GSG1L: variants seen among roughly 807,000 people sequenced by gnomAD.
The protein encoded by GSG1L is GSG1 like.
Under a neutral mutation model 42.1 loss-of-function variants are expected in GSG1L, and 24 were observed. The ratio of observed to expected loss-of-function variants is 0.57; its 90% CI spans 0.41 to 0.80. GSG1L has a LOEUF of 0.80. Among genes scored for constraint, GSG1L ranks in the 30% least tolerant of loss-of-function variants. The pLI is 0.00. For missense variants in GSG1L, 445 were observed against 472.2 expected (o/e 0.94, Z 0.53); for synonymous variants, 215 against 203.5 (o/e 1.06, Z -0.48).
At chr16:27,977,981 C>T (rs1484676787) in intron 1 of GSG1L, among the ~76,000 whole-genome samples, 3 of 152,244 alleles carry the variant, frequency 2.0e-5, no homozygotes, top group African/African-American at 7.2e-5. Context: ...GACCTCCCCT[C>T]ACCGCTAGCC....
intron 1 of GSG1L, among the ~76,000 whole-genome samples, chr16:28,008,350 G>T (rs1567553931): frequency 1.3e-5 from 2 of 152,224 alleles, no homozygotes. Flanking sequence ...AAAGTGTTGG[G>T]ATTACAGGCA....
intron 2 of GSG1L, among the ~76,000 whole-genome samples, chr16:27,925,590 GGA>G (rs1567521166): frequency 6.6e-6 from 1 of 152,188 alleles, no homozygotes; most frequent in Non-Finnish European, 1.5e-5. Context: ...ATGCATAGCA[GGA>G]GAGAGGTGGG....
chr16:28,060,222 C>G (rs1246909480), intron 1 of GSG1L, among the ~76,000 whole-genome samples: 1 of 151,698 alleles, frequency 6.6e-6, no homozygotes, highest in South Asian at 2.1e-4. Context: ...TTTTCCTCTT[C>G]GAGTAAAAAA....
intron 5 of GSG1L, among the ~76,000 whole-genome samples, chr16:27,821,519 T>G: frequency 6.6e-6 from 1 of 152,110 alleles, no homozygotes; most frequent in South Asian, 2.1e-4. Context: ...CACTTATAAG[T>G]GAGAAAATGC....
At position 27,947,569 on chromosome 16, in the gene GSG1L, GAA is replaced by G. The variant is rs1226176506; in HGVS notation, c.397+15585_397+15586del. ...AGAAAGAAAGAAAGAAAGAAAGAAA[GAA>G]AGAAAGAAAGAAAGAAAGAAAGAAA... is the stretch of plus-strand genomic sequence containing the variant. On this transcript the variant is annotated intron_variant, in intron 2 of 6. Coordinates refer to ENST00000447459, the MANE Select transcript of GSG1L (RefSeq NM_001109763.2). Among the ~76,000 whole-genome samples, 923 of 94,080 alleles carry G rather than the reference GAA, an allele frequency of 9.8e-3. 15 individuals carry two copies. Among genetic ancestry groups the G allele is most frequent in the African/African-American group, 0.028 (820 of 29,558 alleles). 61.7% of individuals were successfully genotyped at this position (94,080 alleles called of 152,430 possible).
intron 3 of GSG1L, among the ~76,000 whole-genome samples, chr16:27,863,704 G>A (rs572097311): frequency 2.6e-5 from 4 of 152,286 alleles, no homozygotes; most frequent in Admixed American, 6.5e-5. Flanking sequence ...ATCATATTTC[G>A]AGATGACAGC....
chr16:27,801,238 G>A (rs2082878242), intron 6 of GSG1L, among the ~76,000 whole-genome samples: 1 of 152,182 alleles, frequency 6.6e-6, no homozygotes, highest in African/African-American at 2.4e-5. Flanking sequence ...CTCTCCCAGG[G>A]TAAGGAGCAA....
intron 2 of GSG1L, among the ~76,000 whole-genome samples, chr16:27,912,834 A>C (rs916416657): frequency 1.3e-5 from 2 of 152,240 alleles, no homozygotes; most frequent in Non-Finnish European, 2.9e-5. Flanking sequence ...GGGAAAAAAA[A>C]CTGGAAACAA....
At chr16:27,979,821 A>AG in intron 1 of GSG1L, among the ~76,000 whole-genome samples, 4 of 114,616 alleles carry the variant, frequency 3.5e-5, no homozygotes, top group African/African-American at 1.4e-4. Context: ...AAGAAAAGAA[A>AG]GAAAGAGAGA....
At chr16:27,998,142 C>A (rs1231950059) in intron 1 of GSG1L, among the ~76,000 whole-genome samples, 1 of 152,136 alleles carries the variant, frequency 6.6e-6, no homozygotes, top group African/African-American at 2.4e-5. Flanking sequence ...CAGGTGTGAG[C>A]CACCACGCCT....
At chr16:27,942,386 G>GGTCTGTTGGCTGTTGTGAA (rs2084810639) in intron 2 of GSG1L, among the ~76,000 whole-genome samples, 2 of 150,426 alleles carry the variant, frequency 1.3e-5, no homozygotes, top group African/African-American at 2.4e-5. Flanking sequence ...CTGACCTCAG[G>GGTCTGTTGGCTGTTGTGAA]TGATCCACTT....
intron 1 of GSG1L, among the ~76,000 whole-genome samples, chr16:27,969,125 A>G (rs1274604388): frequency 1.3e-5 from 2 of 152,102 alleles, no homozygotes; most frequent in Non-Finnish European, 2.9e-5. Context: ...AATAAATAAT[A>G]TAAATAAATA....
chr16:28,020,261 A>C (rs1346374773), intron 1 of GSG1L, among the ~76,000 whole-genome samples: 3 of 152,176 alleles, frequency 2.0e-5, no homozygotes, highest in African/African-American at 4.8e-5. Flanking sequence ...GCGGTGGCTC[A>C]AACAGTTCTG....
chr16:28,049,515 T>TAA (rs78866330), intron 1 of GSG1L, among the ~76,000 whole-genome samples: 4 of 134,210 alleles, frequency 3.0e-5, no homozygotes, highest in Non-Finnish European at 4.9e-5. Flanking sequence ...ACCCCACCTC[T>TAA]AAAAAAAAAA....
intron 4 of GSG1L, among the ~76,000 whole-genome samples, chr16:27,834,777 A>G (rs2083305904): frequency 6.6e-6 from 1 of 152,128 alleles, no homozygotes; most frequent in African/African-American, 2.4e-5. Context: ...CCTCTGTTTC[A>G]TTCCTGAATT....
intron 2 of GSG1L, among the ~76,000 whole-genome samples, chr16:27,906,386 C>G (rs556142394): frequency 7.9e-5 from 12 of 152,284 alleles, no homozygotes; most frequent in Admixed American, 7.8e-4. Context: ...ATGAAATCCC[C>G]CTATTTCCCC....
intron 1 of GSG1L, among the ~76,000 whole-genome samples, chr16:28,024,234 A>G (rs1390965858): frequency 2.0e-5 from 3 of 152,152 alleles, no homozygotes; most frequent in African/African-American, 7.2e-5. Context: ...GGTGAGACAC[A>G]TGGAGCCCAG....
chr16:28,061,434 C>T (rs541617148), intron 1 of GSG1L, among the ~76,000 whole-genome samples: 35 of 152,248 alleles, frequency 2.3e-4, no homozygotes, highest in Admixed American at 2.6e-4. Flanking sequence ...CTCTGACAAA[C>T]GGCCAGCCTG....
intron 3 of GSG1L, among the ~76,000 whole-genome samples, chr16:27,874,578 GTATCTGGGA>G (rs1389398876): frequency 1.3e-5 from 2 of 148,596 alleles, no homozygotes; most frequent in Non-Finnish European, 3.0e-5. Flanking sequence ...AGCCTACCAA[GTATCTGGGA>G]TATAGGTGTG....
Sources: gnomAD v4.1 joint callset for allele counts (sites outside exome capture counted in the v4.1 genomes callset) on GRCh38, gnomAD v4.1.1 for gene constraint, MANE v1.5 for transcripts, NCBI Gene and HGNC (gene_info 2026-07-23, HGNC 2026-07-21) for gene names.